Variants in MYPN observed in about 807,000 individuals in gnomAD.
The protein encoded by MYPN is myopalladin, also known as sarcomeric protein myopalladin, 145 kDa (MYOP).
In MYPN, 63 loss-of-function variants were observed where a neutral mutation model predicts 129.4. That is an observed-to-expected ratio of 0.49 (90% CI 0.40 to 0.60). MYPN has a LOEUF of 0.60. MYPN is among the 20% of genes least tolerant of loss of function. MYPN has a pLI of 0.00. For synonymous variants in MYPN, 629 were observed against 600.9 expected (o/e 1.05, Z -0.68); for missense variants, 1,596 against 1,635.4 (o/e 0.98, Z 0.42).
intron 2 of MYPN, among the ~76,000 whole-genome samples, chr10:68,135,857 C>A (rs564707989): frequency 6.6e-6 from 1 of 151,854 alleles, no homozygotes; most frequent in East Asian, 1.9e-4. Context: ...AACAAATAAA[C>A]CTACAAATAA....
At position 68,148,646 on chromosome 10, in the gene MYPN, C is replaced by T. The variant is rs563397927; in HGVS notation, c.1245+179C>T. On this transcript the variant is annotated intron_variant, in intron 5 of 19. Coordinates refer to ENST00000358913, the MANE Select transcript of MYPN (RefSeq NM_032578.4). ...TCCTGTTGCTTTGGGAACATATTCT[C>T]GGGCTTCAATAGGCAAATTTCTGAG... Among the ~76,000 whole-genome samples, 7 of 152,270 alleles carry T rather than the reference C, an allele frequency of 4.6e-5. No individual in the cohort carries two copies. In the East Asian group the frequency reaches 9.6e-4, roughly 21 times the overall value.
Position 68,211,291 on chromosome 10 carries a change from A to C in MYPN, c.*836A>C, listed in dbSNP as rs1427641999. On this transcript the variant is annotated 3_prime_UTR_variant, in exon 20 of 20. Coordinates refer to ENST00000358913, the MANE Select transcript of MYPN (RefSeq NM_032578.4). ...ACTACTAGCTTCAACTACCACTTAC[A>C]AAATGTGCAAGAGTCATCATTTGCC... The C allele has an allele frequency of 8.8e-6, 4 of 454,106 alleles. No individual in the cohort carries two copies. The highest frequency in any genetic ancestry group is 6.2e-5 in the South Asian group (4 of 64,470). The allele number at this position is 454,106 out of a possible 1,614,324, so 28.1% of individuals were successfully genotyped here. A position where few individuals can be genotyped will look rare whatever the true frequency, so the allele number is the denominator to read the frequency against.
chr10:68,208,850 C>T (rs550247237), intron 19 of MYPN, among the ~76,000 whole-genome samples: 1 of 152,262 alleles, frequency 6.6e-6, no homozygotes, highest in South Asian at 2.1e-4. Context: ...TCTTCTCTCA[C>T]TTCCTAATCC....
intron 5 of MYPN, 32 bp downstream of exon 5, chr10:68,148,499 T>C (rs761013303): frequency 1.3e-5 from 20 of 1,551,202 alleles, no homozygotes; most frequent in Non-Finnish European, 1.7e-5. Flanking sequence ...ACAAGTGCCA[T>C]CCACTGTGAC....
intron 13 of MYPN, among the ~76,000 whole-genome samples, chr10:68,190,030 AT>A (rs34958670): frequency 3.3e-5 from 5 of 150,706 alleles, no homozygotes; most frequent in South Asian, 2.1e-4. Flanking sequence ...CCTCACCAGC[AT>A]TTTTTTTTGT....
upstream of MYPN, among the ~76,000 whole-genome samples, chr10:68,104,629 GC>G (rs148547873): frequency 7.6e-4 from 115 of 152,136 alleles, no homozygotes; most frequent in Non-Finnish European, 1.3e-3. Context: ...GCAAGCATTT[GC>G]TTTTTTCTTT....
At chr10:68,094,859 C>T (rs1178596700) in intron 1 of MYPN, among the ~76,000 whole-genome samples, 1 of 151,980 alleles carries the variant, frequency 6.6e-6, no homozygotes, top group African/African-American at 2.4e-5. Context: ...GTCAGGAGTT[C>T]GAGACCAGTC....
intron 2 of MYPN, among the ~76,000 whole-genome samples, chr10:68,133,018 TC>T (rs1447917324): frequency 1.4e-5 from 2 of 139,308 alleles, no homozygotes; most frequent in Non-Finnish European, 3.0e-5. Flanking sequence ...TGTGTAGACC[TC>T]AATTTTTTTT....
chr10:68,202,488 G>A (rs1325720346), intron 18 of MYPN, among the ~76,000 whole-genome samples: 1 of 151,586 alleles, frequency 6.6e-6, no homozygotes, highest in Non-Finnish European at 1.5e-5. Flanking sequence ...CAAATTTTTT[G>A]TCCCATGTCT....
chr10:68,145,554 TTA>T (rs778176426), intron 4 of MYPN, 28 bp downstream of exon 4: 2 of 1,585,674 alleles, frequency 1.3e-6, no homozygotes, highest in Non-Finnish European at 1.7e-6. Flanking sequence ...TCTTATAGCT[TTA>T]GCATCCTCAG....
At chr10:68,097,251 T>G (rs1036808113) in intron 1 of MYPN, among the ~76,000 whole-genome samples, 2 of 152,202 alleles carry the variant, frequency 1.3e-5, no homozygotes, top group African/African-American at 4.8e-5. Context: ...GCACCCCATG[T>G]TACAAAACTC....
intron 8 of MYPN, chr10:68,162,240 T>G (rs532587322): frequency 6.6e-6 from 1 of 151,706 alleles, no homozygotes; most frequent in Non-Finnish European, 1.5e-5. Context: ...GGGGTGCATG[T>G]GCAAATCTGG....
Position 68,168,971 on chromosome 10 carries a change from G to A in MYPN, c.1973+2305G>A, listed in dbSNP as rs112345694. On this transcript the variant is annotated intron_variant, in intron 10 of 19. Transcript: ENST00000358913. Reference sequence around the variant, plus strand: ...CGCGCCACTGCACTCCAGCGTGGGCGACAGAATGAGATTATTTCTTAAAAA... The same window carrying A: ...CGCGCCACTGCACTCCAGCGTGGGCAACAGAATGAGATTATTTCTTAAAAA... Among the ~76,000 whole-genome samples, 985 of 125,842 alleles carry A rather than the reference G, an allele frequency of 7.8e-3. 11 individuals carry two copies. The highest frequency in any genetic ancestry group is 0.032 in the African/African-American group (939 of 29,806). 82.6% of individuals were successfully genotyped at this position (125,842 alleles called of 152,430 possible). A position where few individuals can be genotyped will look rare whatever the true frequency, so the allele number is the denominator to read the frequency against.
chr10:68,144,072 A>G (rs1319129134), intron 3 of MYPN, among the ~76,000 whole-genome samples: 1 of 152,140 alleles, frequency 6.6e-6, no homozygotes, highest in Admixed American at 6.5e-5. Context: ...CTTAATAGTC[A>G]CTATGGCTGC....
rs1259370685 is a variant in MYPN at position 68,182,432 on chromosome 10, TATATATAAC to T, written c.2704-6465_2704-6457del. Reference sequence around the variant, plus strand: ...ATATATATAACATATATATAACACATATATATAACATATATATAACATATATATATAACA... The same window carrying T: ...ATATATATAACATATATATAACACATATATATATAACATATATATATAACA... On this transcript the variant is annotated intron_variant, in intron 12 of 19. Coordinates refer to ENST00000358913, the MANE Select transcript of MYPN (RefSeq NM_032578.4). Among the ~76,000 whole-genome samples the T allele has an allele frequency of 1.6e-3, 218 of 138,802 alleles. 28 individuals carry two copies. Among genetic ancestry groups the T allele is most frequent in the Middle Eastern group, 0.014 (4 of 276 alleles). The allele number at this position is 138,802 out of a possible 152,430, so 91.1% of individuals were successfully genotyped here.
intron 1 of MYPN, among the ~76,000 whole-genome samples, chr10:68,090,055 T>A (rs750940320): frequency 2.6e-5 from 4 of 152,156 alleles, no homozygotes; most frequent in Admixed American, 6.5e-5. Flanking sequence ...ATAGGCATAT[T>A]TTCCTCCATC....
At chr10:68,166,161 G>A (rs1200061698) in intron 9 of MYPN, 133 bp from the exon 10 acceptor site, 2 of 1,038,158 alleles carry the variant, frequency 1.9e-6, no homozygotes, top group African/African-American at 1.6e-5. Context: ...TTAATGCCCA[G>A]ATGATGATCT....
chr10:68,160,684 A>T (rs570292183), intron 7 of MYPN, among the ~76,000 whole-genome samples: 7 of 152,232 alleles, frequency 4.6e-5, no homozygotes, highest in African/African-American at 1.7e-4. Flanking sequence ...TGGGAGGCTG[A>T]GGCGGGCGGA....
intron 2 of MYPN, among the ~76,000 whole-genome samples, chr10:68,141,423 T>C (rs183007115): frequency 7.6e-4 from 116 of 151,948 alleles, no homozygotes; most frequent in African/African-American, 2.7e-3. Context: ...ACAGGGATTA[T>C]AGCACTGAGT....
Sources: gnomAD v4.1 joint callset for allele counts (sites outside exome capture counted in the v4.1 genomes callset) on GRCh38, gnomAD v4.1.1 for gene constraint, MANE v1.5 for transcripts, NCBI Gene and HGNC (gene_info 2026-07-23, HGNC 2026-07-21) for gene names.